HGD: variants seen among roughly 807,000 people sequenced by gnomAD.
HGD encodes homogentisate oxidase.
In HGD, 61 loss-of-function variants were observed where a neutral mutation model predicts 60.8. The ratio of observed to expected loss-of-function variants is 1.00; its 90% CI spans 0.82 to 1.24. The LOEUF (loss-of-function observed/expected upper bound fraction) is 1.24. Among genes scored for constraint, HGD ranks in the 50% most tolerant of loss-of-function variants. The pLI, the probability that HGD is intolerant of heterozygous loss-of-function variation, is 0.00. For synonymous variants in HGD, 212 were observed against 187.7 expected (o/e 1.13, Z -1.06); for missense variants, 542 against 547.1 (o/e 0.99, Z 0.09).
At chr3:120,654,247 G>A (rs1024232507) in intron 4 of HGD, among the ~76,000 whole-genome samples, 15 of 152,142 alleles carry the variant, frequency 9.9e-5, no homozygotes, top group Admixed American at 5.2e-4. Flanking sequence ...AGGGATTTAA[G>A]TATCAGATCA....
intron 2 of HGD, 127 bp from the exon 3 acceptor site, chr3:120,675,116 T>C: frequency 2.9e-6 from 2 of 696,126 alleles, no homozygotes; most frequent in Non-Finnish European, 5.4e-6. Context: ...CAACCCGATA[T>C]GTTTCTTGTA....
intron 3 of HGD, among the ~76,000 whole-genome samples, chr3:120,674,010 C>T (rs928403781): frequency 1.3e-5 from 2 of 152,170 alleles, no homozygotes; most frequent in African/African-American, 4.8e-5. Flanking sequence ...CATGATTAAA[C>T]CTTGCAATCT....
chr3:120,680,135 C>T (rs1708206648), intron 1 of HGD, among the ~76,000 whole-genome samples: 1 of 152,180 alleles, frequency 6.6e-6, no homozygotes, highest in Non-Finnish European at 1.5e-5. Context: ...AGCTAAGCAA[C>T]TTACTCAAAT....
intron 6 of HGD, among the ~76,000 whole-genome samples, chr3:120,648,267 AG>A (rs1411375677): frequency 6.6e-6 from 1 of 152,216 alleles, no homozygotes; most frequent in African/African-American, 2.4e-5. Flanking sequence ...GAGGGTTTGG[AG>A]AAAGGAAAGA....
At chr3:120,669,447 G>GCACA (rs59426684) in intron 4 of HGD, among the ~76,000 whole-genome samples, 17,742 of 145,578 alleles carry the variant, frequency 0.12, 1,208 homozygotes, top group East Asian at 0.28. Flanking sequence ...GTGCGCATGT[G>GCACA]CACACACACA....
At chr3:120,675,272 T>G (rs1317692030) in intron 2 of HGD, among the ~76,000 whole-genome samples, 2 of 152,002 alleles carry the variant, frequency 1.3e-5, no homozygotes, top group Admixed American at 6.6e-5. Context: ...TGCATTCTTA[T>G]CCTCCAAAAT....
chr3:120,637,546 T>A (rs971020612), intron 12 of HGD, among the ~76,000 whole-genome samples: 2 of 152,210 alleles, frequency 1.3e-5, no homozygotes, highest in African/African-American at 4.8e-5. Context: ...CATTCCTTAA[T>A]GCAGGCTGCA....
chr3:120,681,238 T>C (rs1708224632), intron 1 of HGD, among the ~76,000 whole-genome samples: 1 of 152,238 alleles, frequency 6.6e-6, no homozygotes, highest in South Asian at 2.1e-4. Context: ...CTGGCCTACT[T>C]GGCCTGAGCC....
chr3:120,674,971 G>A lies in HGD; in HGVS notation c.106C>T (p.Pro36Ser), dbSNP rs1443508338. 17 of 1,610,672 alleles carry A rather than the reference G, an allele frequency of 1.1e-5. No individual in the cohort carries two copies. The highest frequency in any genetic ancestry group is 1.4e-5 in the Non-Finnish European group (17 of 1,177,248). ...AGCTGCTCAGCATAGAGATTGTAGGGGCAGACCTGAGGATTATTCTGAAAC... is the reference window on the plus strand; with the variant it reads ...AGCTGCTCAGCATAGAGATTGTAGGAGCAGACCTGAGGATTATTCTGAAAC... ...PEGQNNPQVC[P>S]YNLYAEQLSG... Residue 36 changes from proline (P) to serine (S), a missense_variant, in exon 3 of 14, where the codon CCC (proline) becomes TCC (serine). Physicochemically the swap from Pro to Ser is moderately conservative, Grantham distance 74 (BLOSUM62 -1). Around this residue, in one of 2 missense-constraint regions of HGD, gnomAD observed 537 missense variants for 529.1 expected, o/e 1.01. Transcript: ENST00000283871.
intron 4 of HGD, among the ~76,000 whole-genome samples, chr3:120,663,673 T>A (rs956337396): frequency 3.3e-5 from 5 of 152,198 alleles, no homozygotes; most frequent in Non-Finnish European, 7.3e-5. Context: ...GAAGGAGGTC[T>A]GTTGTTCCAG....
intron 11 of HGD, among the ~76,000 whole-genome samples, chr3:120,640,900 T>G (rs1035610719): frequency 6.6e-6 from 1 of 152,176 alleles, no homozygotes; most frequent in Admixed American, 6.5e-5. Flanking sequence ...TTCCAGCTTG[T>G]GGGTTAGGTT....
intron 3 of HGD, among the ~76,000 whole-genome samples, chr3:120,673,036 A>C (rs145652523): frequency 5.9e-5 from 9 of 152,144 alleles, no homozygotes; most frequent in Non-Finnish European, 1.3e-4. Context: ...GGTTCAGATG[A>C]GTAGTAACTA....
intron 1 of HGD, 101 bp from the exon 2 acceptor site, chr3:120,675,964 G>T: frequency 2.4e-6 from 2 of 821,498 alleles, no homozygotes; most frequent in Non-Finnish European, 4.3e-6. Context: ...ATGGACCTAT[G>T]TTTGTGTATG....
intron 4 of HGD, among the ~76,000 whole-genome samples, chr3:120,653,656 C>T (rs748611879): frequency 4.6e-5 from 7 of 152,150 alleles, no homozygotes; most frequent in Admixed American, 6.5e-5. Context: ...TTAAAAGATA[C>T]TTAAAAAGGA....
intron 3 of HGD, among the ~76,000 whole-genome samples, chr3:120,672,657 G>A (rs913460429): frequency 1.3e-5 from 2 of 152,154 alleles, no homozygotes; most frequent in East Asian, 3.8e-4. Context: ...TTCAGAGCAT[G>A]TGTGTATGTC....
At chr3:120,678,168 T>A (rs1708167733) in intron 1 of HGD, 3 of 152,220 alleles carry the variant, frequency 2.0e-5, no homozygotes, top group Admixed American at 2.0e-4. Context: ...TAGGATGATA[T>A]CTTTGGGGAA....
chr3:120,646,324 C>T lies in HGD; in HGVS notation c.592G>A (p.Gly198Ser), dbSNP rs757355921. 6.2e-7 allele frequency: 1 copy of T among 1,613,738 alleles called. No homozygotes were observed. The highest frequency in any genetic ancestry group is 1.3e-5 in the African/African-American group (1 of 74,982). ...ACACCATAGACCTCCAAGATGTAGC[C>T]CCTGGTCTCCTCAAAGACATCTATG... ...FSIDVFEETR[G>S]YILEVYGVHF... Residue 198 changes from glycine (G) to serine (S), a missense_variant, in exon 9 of 14, where the codon GGC becomes AGC. Gly to Ser is a moderately conservative substitution (Grantham distance 56, BLOSUM62 0). Transcript: ENST00000283871.
chr3:120,630,843 TACACACACAC>T (rs111540631), intron 13 of HGD, among the ~76,000 whole-genome samples: 8 of 116,700 alleles, frequency 6.9e-5, no homozygotes, highest in Admixed American at 1.8e-4. Context: ...CACACACACA[TACACACACAC>T]ACACACACAC....
chr3:120,639,868 T>C (rs1940912983), intron 11 of HGD, among the ~76,000 whole-genome samples: 1 of 152,130 alleles, frequency 6.6e-6, no homozygotes, highest in Non-Finnish European at 1.5e-5. Context: ...ATTATACTTT[T>C]TAAAACTCTT....
Sources: allele counts gnomAD v4.1 joint callset (sites outside exome capture counted in the v4.1 genomes callset), GRCh38; gene constraint gnomAD v4.1.1; regional missense constraint gnomAD v4.1.1; transcripts MANE v1.5; gene names NCBI Gene and HGNC (gene_info 2026-07-23, HGNC 2026-07-21).